ATXN2: variants seen among roughly 807,000 people sequenced by gnomAD.
ATXN2 encodes the protein ataxin-2.
ATXN2 carries 37 observed loss-of-function variants against 138.6 expected under a neutral mutation model. The observed-to-expected ratio is 0.27, with a 90% CI of 0.21 to 0.35. ATXN2 has a LOEUF of 0.35. ATXN2 is among the 10% of genes least tolerant of loss of function. ATXN2 has a pLI of 1.00. For synonymous variants in ATXN2, 549 were observed against 543.7 expected, an observed-to-expected ratio of 1.01 and a Z score of -0.13; for missense variants, 1,216 against 1,480.3, an observed-to-expected ratio of 0.82 and a Z score of 2.93.
chr12:111,525,576 T>C (rs1297346891), intron 5 of ATXN2, among the ~76,000 whole-genome samples: 1 of 152,194 alleles, frequency 6.6e-6, no homozygotes, highest in Non-Finnish European at 1.5e-5. Flanking sequence ...TGATACGGAA[T>C]ATATAGTATT....
chr12:111,513,860 G>A (rs1228495499), intron 10 of ATXN2, among the ~76,000 whole-genome samples: 1 of 151,792 alleles, frequency 6.6e-6, no homozygotes, highest in Non-Finnish European at 1.5e-5. Flanking sequence ...GTAGCAATCT[G>A]TTTCAACTAT....
At chr12:111,459,901 G>T (rs576582253) in intron 21 of ATXN2, among the ~76,000 whole-genome samples, 1 of 149,472 alleles carries the variant, frequency 6.7e-6, no homozygotes, top group South Asian at 2.1e-4. Flanking sequence ...ATTTTTAGTA[G>T]AGACGGGGTT....
rs187305620 is a variant in ATXN2, at chr12:111,519,411, T to C, written c.986+468A>G. Among the ~76,000 whole-genome samples, 19 of 152,300 alleles carry C rather than the reference T, an allele frequency of 1.2e-4. No homozygotes were observed. In the East Asian group the frequency reaches 3.3e-3, roughly 26 times the overall value. On this transcript the variant is annotated intron_variant, in intron 8 of 24. Transcript: ENST00000673436. The stretch of plus-strand genomic sequence containing the variant: ...AGCCATGCTTGTACATGGCTTTTCA[T>C]CAGGTGATAAACTCTTCTCCCAACT...
intron 14 of ATXN2, among the ~76,000 whole-genome samples, chr12:111,502,898 C>T (rs1246134727): frequency 6.6e-6 from 1 of 152,148 alleles, no homozygotes; most frequent in African/African-American, 2.4e-5. Context: ...AATATCTCAT[C>T]GAGCTCTCAC....
At chr12:111,490,213 A>T (rs755991771) in intron 14 of ATXN2, among the ~76,000 whole-genome samples, 51 of 136,598 alleles carry the variant, frequency 3.7e-4, no homozygotes, top group East Asian at 1.1e-3. Context: ...TCTAAAAATT[A>T]AAAAAAAAAA....
intron 5 of ATXN2, among the ~76,000 whole-genome samples, chr12:111,547,085 A>T (rs1238207509): frequency 6.6e-6 from 1 of 152,252 alleles, no homozygotes; most frequent in African/African-American, 2.4e-5. Context: ...GAAATCAATG[A>T]TGTTAGCATC....
At chr12:111,589,391 G>A (rs1399026369) in intron 1 of ATXN2, among the ~76,000 whole-genome samples, 1 of 152,114 alleles carries the variant, frequency 6.6e-6, no homozygotes, top group Non-Finnish European at 1.5e-5. Context: ...CCAGCACCTT[G>A]GGAGGCCAAG....
chr12:111,559,170 G>A (rs1882541850), intron 1 of ATXN2, among the ~76,000 whole-genome samples: 2 of 148,550 alleles, frequency 1.3e-5, no homozygotes, highest in African/African-American at 2.5e-5. Context: ...GTCTCACTCT[G>A]TCGCCAGGCT....
At chr12:111,473,562 C>A (rs1204371289) in intron 18 of ATXN2, among the ~76,000 whole-genome samples, 1 of 152,076 alleles carries the variant, frequency 6.6e-6, no homozygotes, top group Non-Finnish European at 1.5e-5. Context: ...CATTTTACAA[C>A]CCCTAAGGAA....
intron 1 of ATXN2, among the ~76,000 whole-genome samples, chr12:111,593,911 C>A (rs1884799730): frequency 6.6e-6 from 1 of 152,198 alleles, no homozygotes; most frequent in East Asian, 1.9e-4. Context: ...AATGAAGCCA[C>A]ATGACTAATT....
intron 1 of ATXN2, among the ~76,000 whole-genome samples, chr12:111,595,036 T>G (rs1005023292): frequency 6.6e-6 from 1 of 152,208 alleles, no homozygotes; most frequent in African/African-American, 2.4e-5. Context: ...TAATAATATA[T>G]GCACTTGACA....
Position 111,555,859 on chromosome 12 carries a change from ATAAG to A in ATXN2, c.288+20_288+23del, listed in dbSNP as rs1882361567. 1.3e-6 allele frequency: 2 copies of A among 1,578,076 alleles called. No individual in the cohort carries two copies. The highest frequency in any genetic ancestry group is 2.7e-5 in the African/African-American group (2 of 72,776). ...ATGTTTTAGCTACTAATTTTCCCCA[ATAAG>A]TAACATTAAAGTTACTCACCGTAGA... is the stretch of plus-strand genomic sequence containing the variant. On this transcript the variant is annotated intron_variant, in intron 2 of 24. Coordinates refer to ENST00000673436, the MANE Select transcript of ATXN2 (RefSeq NM_001372574.1).
chr12:111,470,534 A>G (rs1876335561), intron 19 of ATXN2, 24 bp downstream of exon 19: 2 of 1,604,134 alleles, frequency 1.2e-6, no homozygotes, highest in Admixed American at 1.7e-5. Flanking sequence ...ACAAAAATTA[A>G]GAGTTAGGCC....
chr12:111,594,272 T>A (rs1052311215), intron 1 of ATXN2, among the ~76,000 whole-genome samples: 1 of 152,192 alleles, frequency 6.6e-6, no homozygotes, highest in Non-Finnish European at 1.5e-5. Flanking sequence ...GATATTTAAC[T>A]GCAAAAGATG....
intron 1 of ATXN2, among the ~76,000 whole-genome samples, chr12:111,572,970 A>G (rs954201274): frequency 2.6e-5 from 4 of 152,148 alleles, no homozygotes; most frequent in African/African-American, 7.2e-5. Context: ...ATGAGTAACA[A>G]CAGACTATCT....
chr12:111,571,568 G>C (rs1458487700), intron 1 of ATXN2, among the ~76,000 whole-genome samples: 1 of 152,146 alleles, frequency 6.6e-6, no homozygotes, highest in Non-Finnish European at 1.5e-5. Context: ...CACAAGCAGT[G>C]AGGAAGGAGA....
intron 1 of ATXN2, among the ~76,000 whole-genome samples, chr12:111,556,442 C>T (rs1882392931): frequency 6.6e-6 from 1 of 152,050 alleles, no homozygotes; most frequent in Admixed American, 6.6e-5. Flanking sequence ...AAGCAAAACA[C>T]GGATTATATT....
chr12:111,581,781 T>A, intron 1 of ATXN2: 2 of 552,602 alleles, frequency 3.6e-6, no homozygotes, highest in Non-Finnish European at 6.8e-6. Context: ...TATCAACAGA[T>A]CAGGAGGCAT....
At chr12:111,538,865 T>C (rs1399983114) in intron 5 of ATXN2, among the ~76,000 whole-genome samples, 2 of 150,020 alleles carry the variant, frequency 1.3e-5, no homozygotes, top group African/African-American at 4.8e-5. Flanking sequence ...GAATCAAATA[T>C]ACATCAAATT....
Sources: allele counts gnomAD v4.1 joint callset (sites outside exome capture counted in the v4.1 genomes callset), GRCh38; gene constraint gnomAD v4.1.1; transcripts MANE v1.5; gene names NCBI Gene and HGNC (gene_info 2026-07-23, HGNC 2026-07-21).